Variants in TRIM66 observed in about 807,000 individuals in gnomAD.
The protein encoded by TRIM66 is tripartite motif containing 66.
A neutral mutation model predicts 148.2 loss-of-function variants in TRIM66; 99 were observed. The ratio of observed to expected loss-of-function variants is 0.67; its 90% CI spans 0.57 to 0.79. The LOEUF (loss-of-function observed/expected upper bound fraction) is 0.79, where lower values mean the gene tolerates loss of function less well. Ranked by LOEUF, TRIM66 falls within the 30% of genes least tolerant of loss-of-function variation. The pLI is 0.00. For synonymous variants in TRIM66, 616 were observed against 635.9 expected (o/e 0.97, Z 0.47); for missense variants, 1,666 against 1,697.9 (o/e 0.98, Z 0.33).
chr11:8,621,798 C>G lies in TRIM66; in HGVS notation c.3102G>C (p.Lys1034Asn). The change falls in exon 19 of 25, where the codon AAG becomes AAC. Residue 1034 changes from lysine (K) to asparagine (N), a missense_variant. Lys to Asn is a moderately conservative substitution (Grantham distance 94). Around this residue, in one of 3 missense-constraint regions of TRIM66, gnomAD observed 1,431 missense variants for 1,412.4 expected, o/e 1.01. Coordinates refer to ENST00000646038, the MANE Select transcript of TRIM66 (RefSeq NM_001388022.1). ...GTCGCTCCAGTCGCACATAGGGAAT[C>G]TTATGCTCACTATTGAAGGCTCTGC... ...QSIRAFNSEH[K>N]IPYVRLERLK... is the part of the protein sequence containing the mutation. The G allele has an allele frequency of 2.6e-6, 4 of 1,548,832 alleles. No homozygotes were observed. The highest frequency in any genetic ancestry group is 3.5e-6 in the Non-Finnish European group (4 of 1,145,922).
intron 18 of TRIM66, among the ~76,000 whole-genome samples, chr11:8,622,357 C>CATATATATATATAT (rs1388887642): frequency 1.8e-5 from 1 of 56,516 alleles, no homozygotes; most frequent in Non-Finnish European, 4.8e-5. Flanking sequence ...CACACACACA[C>CATATATATATATAT]ACACACACAT....
At chr11:8,647,931 G>C in intron 10 of TRIM66, 39 bp downstream of exon 10, 9 of 1,483,204 alleles carry the variant, frequency 6.1e-6, no homozygotes, top group Non-Finnish European at 8.3e-6. Flanking sequence ...TGCGGGAACA[G>C]AGCATTTCCA....
chr11:8,668,304 A>G (rs2038724007), intron 6 of TRIM66, among the ~76,000 whole-genome samples: 1 of 151,460 alleles, frequency 6.6e-6, no homozygotes, highest in African/African-American at 2.4e-5. Flanking sequence ...TTCTTTATAT[A>G]TTCTAGATAT....
chr11:8,657,125 C>A (rs975886143), intron 6 of TRIM66, among the ~76,000 whole-genome samples: 1 of 152,194 alleles, frequency 6.6e-6, no homozygotes, highest in Non-Finnish European at 1.5e-5. Flanking sequence ...CAAGGCAACA[C>A]GGACACCAGA....
At chr11:8,619,325 C>A (rs2033975169) in intron 23 of TRIM66, 58 bp downstream of exon 23, 1 of 1,410,464 alleles carries the variant, frequency 7.1e-7, no homozygotes, top group African/African-American at 1.4e-5. Flanking sequence ...CCCTACCCAC[C>A]CATGACAGTC....
upstream of TRIM66, chr11:8,683,000 C>T: frequency 2.2e-6 from 2 of 894,512 alleles, no homozygotes; most frequent in Non-Finnish European, 3.4e-6. Flanking sequence ...GTTAGGCCCG[C>T]GGTTCGGATC....
chr11:8,682,568 C>T (rs1463590460), intron 1 of TRIM66, 33 bp downstream of exon 1: 1 of 587,956 alleles, frequency 1.7e-6, no homozygotes, highest in African/African-American at 1.9e-5. Flanking sequence ...TTCAACAGTT[C>T]TCGCCCTCCG....
chr11:8,666,298 C>G (rs1411415463), intron 6 of TRIM66, among the ~76,000 whole-genome samples: 1 of 134,616 alleles, frequency 7.4e-6, no homozygotes, highest in Non-Finnish European at 1.5e-5. Context: ...AAGATCGCGC[C>G]ATTGCAATCC....
chr11:8,652,043 T>C (rs188960884), intron 6 of TRIM66, 140 bp from the exon 7 acceptor site: 6 of 656,514 alleles, frequency 9.1e-6, no homozygotes, highest in Admixed American at 2.8e-5. Flanking sequence ...CTTGATGCCA[T>C]AGCCTGCATT....
At chr11:8,658,452 A>G (rs573907399) in intron 6 of TRIM66, among the ~76,000 whole-genome samples, 1 of 152,288 alleles carries the variant, frequency 6.6e-6, no homozygotes, top group African/African-American at 2.4e-5. Context: ...ATGTTCCCCA[A>G]AATGACAGTG....
Position 8,615,518 on chromosome 11 carries a change from T to C in TRIM66, c.*2426A>G, listed in dbSNP as rs896244623. ...GAGCCTCTGCAGGCAGTCACTTGGC[T>C]AGTAGGATTTTTTTTTTTTTAATTT... On this transcript the variant is annotated 3_prime_UTR_variant, in exon 25 of 25. Coordinates refer to ENST00000646038, the MANE Select transcript of TRIM66 (RefSeq NM_001388022.1). 1.3e-5 allele frequency: 2 copies of C among 152,036 alleles called. No homozygotes were observed. Among genetic ancestry groups the C allele is most frequent in the African/African-American group, 2.4e-5 (1 of 41,380 alleles). The allele number at this position is 152,036 out of a possible 1,614,324, so 9.4% of individuals were successfully genotyped here.
At position 8,641,052 on chromosome 11, in the gene TRIM66, T is replaced by G. The variant is rs1457949368; in HGVS notation, c.1323A>C (p.Pro441=). The change falls in exon 14 of 25, where the codon CCA becomes CCC. Residue 441 remains proline, a synonymous_variant. Transcript: ENST00000646038. Reference sequence around the variant, plus strand: ...GGCTAAGAGCCTCTTGCTGAGCCACTGGAGACTGGTGGCTTTGATAAAAGG... The same window carrying G: ...GGCTAAGAGCCTCTTGCTGAGCCACGGGAGACTGGTGGCTTTGATAAAAGG... ...SSPFYQSHQS[P]VAQQEALSHP... 4 of 1,551,662 alleles carry G rather than the reference T, an allele frequency of 2.6e-6. No individual in the cohort carries two copies. Among genetic ancestry groups the G allele is most frequent in the Non-Finnish European group, 3.5e-6 (4 of 1,146,980 alleles).
intron 15 of TRIM66, among the ~76,000 whole-genome samples, chr11:8,628,636 A>AAAAAAAAAAAGAGAGAGAG (rs1555042270): frequency 1.1e-5 from 1 of 93,340 alleles, no homozygotes; most frequent in Non-Finnish European, 2.3e-5. Context: ...AAAAAAAAAA[A>AAAAAAAAAAAGAGAGAGAG]AGAGAGAGAA....
chr11:8,658,150 C>T (rs1005788339), intron 6 of TRIM66, among the ~76,000 whole-genome samples: 2 of 152,222 alleles, frequency 1.3e-5, no homozygotes. Flanking sequence ...TTCTCTAGCT[C>T]ACCTGAGATA....
Position 8,625,133 on chromosome 11 carries a change from C to T in TRIM66, c.2406G>A (p.Gln802=). 1 of 1,551,088 alleles carries T rather than the reference C, an allele frequency of 6.4e-7. No homozygotes were observed. The highest frequency in any genetic ancestry group is 1.2e-5 in the South Asian group (1 of 84,030). The change falls in exon 16 of 25, where the codon CAG becomes CAA. Residue 802 remains glutamine, a synonymous_variant. Coordinates refer to ENST00000646038, the MANE Select transcript of TRIM66 (RefSeq NM_001388022.1). Reference sequence around the variant, plus strand: ...CACCAGCTGTCAGGTTGCTCACACTCTGGATCTGTGGCTCTAGGGGCCTCT... The same window carrying T: ...CACCAGCTGTCAGGTTGCTCACACTTTGGATCTGTGGCTCTAGGGGCCTCT... ...RLERPLEPQI[Q]SVSNLTAGAP... is the part of the protein sequence containing the mutation.
At chr11:8,619,916 G>T in intron 22 of TRIM66, 134 bp downstream of exon 22, 1 of 910,348 alleles carries the variant, frequency 1.1e-6, no homozygotes, top group Non-Finnish European at 1.7e-6. Flanking sequence ...AGAAAAGACA[G>T]TAGCAGGCAC....
intron 6 of TRIM66, among the ~76,000 whole-genome samples, chr11:8,653,787 CA>C (rs529555102): frequency 8.7e-4 from 123 of 141,854 alleles, no homozygotes; most frequent in Admixed American, 9.1e-4. Context: ...CTCACCCCAC[CA>C]AAAAAAAAAA....
In TRIM66 at chr11:8,671,956, T is replaced by C; in HGVS notation, c.170A>G (p.Lys57Arg). Residue 57 changes from lysine to arginine, a missense_variant, in exon 6 of 25, where the codon AAG (lysine) becomes AGG (arginine). Physicochemically the swap from Lys to Arg is conservative, Grantham distance 26. Coordinates refer to ENST00000646038, the MANE Select transcript of TRIM66 (RefSeq NM_001388022.1). Reference sequence around the variant, plus strand: ...TACCATGGCCTCCATCTGTCCACTCTTAGGGCAGTGTTTCTGGCCAGCTAG... The same window carrying C: ...TACCATGGCCTCCATCTGTCCACTCCTAGGGCAGTGTTTCTGGCCAGCTAG... ...LPLAGQKHCP[K>R]SGQMEAMVMT... 1.3e-6 allele frequency: 2 copies of C among 1,536,154 alleles called. No homozygotes were observed. Among genetic ancestry groups the C allele is most frequent in the Non-Finnish European group, 1.7e-6 (2 of 1,146,914 alleles).
At position 8,615,949 on chromosome 11, in the gene TRIM66, G is replaced by A. The variant is rs1471738272; in HGVS notation, c.*1995C>T. The A allele has an allele frequency of 1.3e-5, 2 of 152,232 alleles. No individual in the cohort carries two copies. Among genetic ancestry groups the A allele is most frequent in the African/African-American group, 4.8e-5 (2 of 41,436 alleles). 9.4% of individuals were successfully genotyped at this position (152,232 alleles called of 1,614,324 possible). On this transcript the variant is annotated 3_prime_UTR_variant, in exon 25 of 25. Transcript: ENST00000646038. ...TGGTGGGAATGTGGGCTGCACAAAG[G>A]AAAGATGACCTAGAGCAGGAATTAG...
Sources: allele counts gnomAD v4.1 joint callset (sites outside exome capture counted in the v4.1 genomes callset), GRCh38; gene constraint gnomAD v4.1.1; regional missense constraint gnomAD v4.1.1; transcripts MANE v1.5; gene names NCBI Gene and HGNC (gene_info 2026-07-23, HGNC 2026-07-21).